The following ZEB2 variants were observed in gnomAD, a reference collection of about 807,000 sequenced individuals.
The protein encoded by ZEB2 is zinc finger E-box binding homeobox 2, also known as zinc finger E-box-binding homeobox 2.
In ZEB2, 6 loss-of-function variants were observed where a neutral mutation model predicts 99.9. The observed-to-expected ratio is 0.06, with a 90% CI of 0.03 to 0.12. The LOEUF (loss-of-function observed/expected upper bound fraction) is 0.12. Ranked by LOEUF, ZEB2 falls within the 10% of genes least tolerant of loss-of-function variation. The pLI is 1.00. For missense variants in ZEB2, 969 were observed against 1,502.8 expected (o/e 0.64, Z 5.87); for synonymous variants, 517 against 542.5 (o/e 0.95, Z 0.65).
In ZEB2 at chr2:144,513,325, T is replaced by C. The variant is rs746307319; in HGVS notation, c.73+3953A>G. 8.5e-6 allele frequency: 11 copies of C among 1,299,300 alleles called. No individual in the cohort carries two copies. The South Asian group carries it at 1.4e-4, about 16-fold the overall frequency. 80.5% of individuals were successfully genotyped at this position (1,299,300 alleles called of 1,614,324 possible). Reference sequence around the variant, plus strand: ...CTAGGATCCAAAGCCCTGAGAACATTCAACTTGATCCCTGTTCTTTGCCAC... The same window carrying C: ...CTAGGATCCAAAGCCCTGAGAACATCCAACTTGATCCCTGTTCTTTGCCAC... On this transcript the variant is annotated intron_variant, in intron 2 of 9. Coordinates refer to ENST00000627532, the MANE Select transcript of ZEB2 (RefSeq NM_014795.4).
intron 6 of ZEB2, among the ~76,000 whole-genome samples, chr2:144,403,278 A>AGG (rs1418105760): frequency 6.6e-6 from 1 of 152,216 alleles, no homozygotes; most frequent in Non-Finnish European, 1.5e-5. Flanking sequence ...AAGCAAAAAG[A>AGG]GGGGGAGTAA....
intron 4 of ZEB2, among the ~76,000 whole-genome samples, chr2:144,423,630 C>T (rs1406056770): frequency 6.6e-6 from 1 of 152,094 alleles, no homozygotes; most frequent in Non-Finnish European, 1.5e-5. Context: ...TGATTCTATA[C>T]TTTTTCTAGA....
chr2:144,449,761 G>A (rs1319754280), intron 2 of ZEB2: 1 of 152,162 alleles, frequency 6.6e-6, no homozygotes, highest in African/African-American at 2.4e-5. Context: ...CTTTCTTCAG[G>A]AAAAGGACAA....
chr2:144,513,791 T>TC (rs1409393390), intron 2 of ZEB2: 5 of 1,536,056 alleles, frequency 3.3e-6, no homozygotes, highest in Non-Finnish European at 4.4e-6. Context: ...CATTTCTGAC[T>TC]CCAAGGCTGT....
intron 4 of ZEB2, among the ~76,000 whole-genome samples, chr2:144,405,851 A>G (rs1276245097): frequency 1.3e-5 from 2 of 152,224 alleles, no homozygotes; most frequent in Non-Finnish European, 2.9e-5. Context: ...AACTTGTGTC[A>G]TAAGATTTTG....
At chr2:144,405,554 T>C (rs1006741145) in intron 4 of ZEB2, among the ~76,000 whole-genome samples, 5 of 151,886 alleles carry the variant, frequency 3.3e-5, no homozygotes, top group Non-Finnish European at 7.4e-5. Flanking sequence ...GACTACATAG[T>C]CTGAGACAGA....
At chr2:144,514,075 A>T in intron 2 of ZEB2, 1 of 470,082 alleles carries the variant, frequency 2.1e-6, no homozygotes, top group Non-Finnish European at 3.6e-6. Context: ...ACTGCCCGCT[A>T]TGGGTTAACT....
intron 2 of ZEB2, among the ~76,000 whole-genome samples, chr2:144,499,401 C>T (rs568572174): frequency 1.3e-5 from 2 of 152,270 alleles, no homozygotes; most frequent in Admixed American, 1.3e-4. Context: ...TAACCAGTAT[C>T]TAATCTATAG....
Position 144,388,046 on chromosome 2 carries a change from G to A in ZEB2, c.*1405C>T, listed in dbSNP as rs886054893. On this transcript the variant is annotated 3_prime_UTR_variant, in exon 10 of 10. Coordinates refer to ENST00000627532, the MANE Select transcript of ZEB2 (RefSeq NM_014795.4). The surrounding 1 kb of genome is among the most constrained non-coding windows in gnomAD (Gnocchi z 5.4). ...TTGGCTACATTTTTATTCGAGCATG[G>A]TCATTTTCAAAAGAAATTACAAATT... is the stretch of plus-strand genomic sequence containing the variant. 3 of 152,464 alleles carry A rather than the reference G, an allele frequency of 2.0e-5. No homozygotes were observed. The highest frequency in any genetic ancestry group is 4.4e-5 in the Non-Finnish European group (3 of 67,984). The allele number at this position is 152,464 out of a possible 1,614,324, so 9.4% of individuals were successfully genotyped here.
In ZEB2 at chr2:144,404,208, C is replaced by T. The variant is rs552567709; in HGVS notation, c.593-78G>A. On this transcript the variant is annotated intron_variant, in intron 5 of 9. Transcript: ENST00000627532. ...AATGGCAGCTAATGGGCTGACTGCC[C>T]GGGATGGTATGACAGGAATCACTGC... 48 of 1,502,556 alleles carry T rather than the reference C, an allele frequency of 3.2e-5. No individual in the cohort carries two copies. Among genetic ancestry groups the T allele is most frequent in the East Asian group, 3.0e-4 (13 of 43,314 alleles). 93.1% of individuals were successfully genotyped at this position (1,502,556 alleles called of 1,614,324 possible). A position where few individuals can be genotyped will look rare whatever the true frequency, so the allele number is the denominator to read the frequency against.
chr2:144,484,947 C>T (rs1329982104), intron 2 of ZEB2, among the ~76,000 whole-genome samples: 1 of 152,218 alleles, frequency 6.6e-6, no homozygotes, highest in Non-Finnish European at 1.5e-5. Flanking sequence ...ACCACCCGGG[C>T]ATACTGAATT....
chr2:144,513,880 T>C, intron 2 of ZEB2: 1 of 1,521,050 alleles, frequency 6.6e-7, no homozygotes, highest in Non-Finnish European at 8.8e-7. Context: ...TCAGTGAAAG[T>C]GTTACAAAGT....
Position 144,404,138 on chromosome 2 carries a change from C to T in ZEB2, c.593-8G>A, listed in dbSNP as rs772118840. On this transcript the variant is annotated splice_region_variant and splice_polypyrimidine_tract_variant and intron_variant, in intron 5 of 9. Coordinates refer to ENST00000627532, the MANE Select transcript of ZEB2 (RefSeq NM_014795.4). ...GAGTTCCAGGTGGCAGGTCTGTAGC[C>T]GAGAGACAGAGAGAGAGAGAAGCGG... is the stretch of plus-strand genomic sequence containing the variant. 7 of 1,613,506 alleles carry T rather than the reference C, an allele frequency of 4.3e-6. No individual in the cohort carries two copies. Among genetic ancestry groups the T allele is most frequent in the South Asian group, 1.1e-5 (1 of 91,024 alleles).
chr2:144,389,929 T>C lies in ZEB2; in HGVS notation c.3167A>G (p.Gln1056Arg). Residue 1056 changes from glutamine to arginine, a missense_variant, in exon 10 of 10, where the codon CAG becomes CGG. This residue lies in a region of ZEB2 where 17 missense variants were observed against 116.9 expected (regional missense o/e 0.15). Transcript: ENST00000627532. This position sits in a 1 kb window ranked among gnomAD's most constrained non-coding sequence, Gnocchi z 6.8. The part of the protein sequence containing the change: ...SRLHSGEKPY[Q>R]CDKCGKRFSH... ...GAAGCGCTTGCCACATTTATCACAC[T>C]GATAGGGCTTCTCGCCCGAGTGAAG... The C allele has an allele frequency of 6.2e-7, 1 of 1,612,206 alleles. No homozygotes were observed. The highest frequency in any genetic ancestry group is 8.5e-7 in the Non-Finnish European group (1 of 1,180,032).
chr2:144,424,737 C>T lies in ZEB2; in HGVS notation c.403+59G>A, dbSNP rs1263219781. On this transcript the variant is annotated intron_variant, in intron 4 of 9. Coordinates refer to ENST00000627532, the MANE Select transcript of ZEB2 (RefSeq NM_014795.4). ...GATGTGTCACTGTTTCCTTCCCTGCCTCACTAAACCCACATGACACAGGAC... is the reference window on the plus strand; with the variant it reads ...GATGTGTCACTGTTTCCTTCCCTGCTTCACTAAACCCACATGACACAGGAC... 2.5e-6 allele frequency: 4 copies of T among 1,594,470 alleles called. No individual in the cohort carries two copies. The South Asian group carries it at 4.4e-5, about 18-fold the overall frequency.
chr2:144,416,355 C>A (rs988751420), intron 4 of ZEB2, among the ~76,000 whole-genome samples: 15 of 152,316 alleles, frequency 9.8e-5, no homozygotes, highest in African/African-American at 3.4e-4. Context: ...TTAAAAAAAT[C>A]TTAAATAATA....
Position 144,384,311 on chromosome 2 carries a change from C to T in ZEB2, c.*5140G>A, listed in dbSNP as rs958525404. On this transcript the variant is annotated 3_prime_UTR_variant, in exon 10 of 10. Coordinates refer to ENST00000627532, the MANE Select transcript of ZEB2 (RefSeq NM_014795.4). ...TGGCATATTCAGCATCATATTATCTCGGTGCCATTTCTCTGACTAATTCCA... is the reference window on the plus strand; with the variant it reads ...TGGCATATTCAGCATCATATTATCTTGGTGCCATTTCTCTGACTAATTCCA... The T allele has an allele frequency of 5.9e-5, 9 of 151,920 alleles. No homozygotes were observed. The highest frequency in any genetic ancestry group is 1.3e-4 in the Non-Finnish European group (9 of 67,964). The allele number at this position is 151,920 out of a possible 1,614,324, so 9.4% of individuals were successfully genotyped here. A position where few individuals can be genotyped will look rare whatever the true frequency, so the allele number is the denominator to read the frequency against.
intron 2 of ZEB2, among the ~76,000 whole-genome samples, chr2:144,471,120 G>A (rs1424501044): frequency 2.0e-5 from 3 of 152,072 alleles, no homozygotes; most frequent in African/African-American, 4.8e-5. Flanking sequence ...GCATAACAGC[G>A]GTAGTTACCT....
At chr2:144,496,695 C>G (rs1704764443) in intron 2 of ZEB2, 1 of 152,134 alleles carries the variant, frequency 6.6e-6, no homozygotes, top group Non-Finnish European at 1.5e-5. Flanking sequence ...TTAATTTCCT[C>G]ATCAGTAAAA....
Sources: allele counts gnomAD v4.1 joint callset (sites outside exome capture counted in the v4.1 genomes callset), GRCh38; gene constraint gnomAD v4.1.1; regional missense constraint gnomAD v4.1.1; non-coding constraint Gnocchi (gnomAD v3.1); transcripts MANE v1.5; gene names NCBI Gene and HGNC (gene_info 2026-07-23, HGNC 2026-07-21).